The following DGKG variants were observed in gnomAD, a reference collection of about 807,000 sequenced individuals.
The protein encoded by DGKG is diacylglycerol kinase gamma.
A neutral mutation model predicts 105.3 loss-of-function variants in DGKG; 78 were observed. The ratio of observed to expected loss-of-function variants is 0.74; its 90% CI spans 0.62 to 0.89. The LOEUF (loss-of-function observed/expected upper bound fraction) is 0.89, where lower values mean the gene tolerates loss of function less well. Ranked by LOEUF, DGKG falls within the 40% of genes least tolerant of loss-of-function variation. DGKG has a pLI of 0.00. For synonymous variants in DGKG, 346 were observed against 367.1 expected (o/e 0.94, Z 0.66); for missense variants, 958 against 1,020.1 (o/e 0.94, Z 0.83).
chr3:186,323,566 G>A lies in DGKG; in HGVS notation c.-248-2859C>T, dbSNP rs1025875326. 1.4e-4 allele frequency among the ~76,000 whole-genome samples: 22 copies of A among 152,264 alleles called. No homozygotes were observed. The South Asian group carries it at 1.7e-3, about 11-fold the overall frequency. On this transcript the variant is annotated intron_variant, in intron 1 of 24. Transcript: ENST00000265022. Reference sequence around the variant, plus strand: ...CCCATCACTTTAGGAGGCTAAGATGGGCGGATCATGAGGTCAGGAGATCGA... The same window carrying A: ...CCCATCACTTTAGGAGGCTAAGATGAGCGGATCATGAGGTCAGGAGATCGA...
chr3:186,310,291 C>CAAAAAAAAAAAAA lies in DGKG; in HGVS notation c.68-3315_68-3314insTTTTTTTTTTTTT, dbSNP rs1724476497. Among the ~76,000 whole-genome samples the CAAAAAAAAAAAAA allele has an allele frequency of 3.2e-4, 18 of 56,804 alleles. 1 individual carries two copies. Among genetic ancestry groups the CAAAAAAAAAAAAA allele is most frequent in the East Asian group, 9.0e-4 (2 of 2,234 alleles). 37.3% of individuals were successfully genotyped at this position (56,804 alleles called of 152,430 possible). ...AAAAAAAAAAAAAAAAAAAAAAAAC[C>CAAAAAAAAAAAAA]ACACACACACAACAAGAATCCAGGA... On this transcript the variant is annotated intron_variant, in intron 2 of 24. Coordinates refer to ENST00000265022, the MANE Select transcript of DGKG (RefSeq NM_001346.3).
At chr3:186,185,462 T>C (rs1418022746) in intron 22 of DGKG, among the ~76,000 whole-genome samples, 1 of 152,126 alleles carries the variant, frequency 6.6e-6, no homozygotes, top group African/African-American at 2.4e-5. Context: ...AGGTCAGACA[T>C]GTAAGAGGAA....
chr3:186,299,824 T>TCTTC (rs1560141950), intron 3 of DGKG, among the ~76,000 whole-genome samples: 9 of 109,632 alleles, frequency 8.2e-5, no homozygotes, highest in African/African-American at 3.0e-4. Context: ...TTTCTTTCTT[T>TCTTC]CTTTCTTTCT....
chr3:186,152,997 G>A (rs1462227010), intron 24 of DGKG, among the ~76,000 whole-genome samples: 2 of 132,280 alleles, frequency 1.5e-5, no homozygotes, highest in East Asian at 2.3e-4. Context: ...GATGACACAA[G>A]ACCCTTGCTT....
chr3:186,282,272 C>T (rs1331488404), intron 7 of DGKG, among the ~76,000 whole-genome samples: 1 of 152,104 alleles, frequency 6.6e-6, no homozygotes, highest in African/African-American at 2.4e-5. Context: ...AAGAGGAGTG[C>T]CTGTGTTCGA....
At chr3:186,356,869 T>C (rs1429353534) in intron 1 of DGKG, among the ~76,000 whole-genome samples, 1 of 152,130 alleles carries the variant, frequency 6.6e-6, no homozygotes, top group Non-Finnish European at 1.5e-5. Context: ...GGTCTGCTCT[T>C]GTAGGTTTTT....
intron 20 of DGKG, among the ~76,000 whole-genome samples, chr3:186,224,151 T>C (rs369951659): frequency 6.6e-6 from 1 of 152,252 alleles, no homozygotes; most frequent in Non-Finnish European, 1.5e-5. Context: ...AAAGCTCTTC[T>C]GTTTGGTCCT....
At chr3:186,164,181 C>T (rs1028093480) in intron 23 of DGKG, among the ~76,000 whole-genome samples, 2 of 152,068 alleles carry the variant, frequency 1.3e-5, no homozygotes, top group Non-Finnish European at 2.9e-5. Context: ...CTCGGAGATC[C>T]CCAAGGCATG....
chr3:186,177,023 T>C (rs969207327), intron 22 of DGKG, among the ~76,000 whole-genome samples: 3 of 152,232 alleles, frequency 2.0e-5, no homozygotes, highest in African/African-American at 7.2e-5. Context: ...GGCAGTGTCC[T>C]CTGTCCATCC....
intron 1 of DGKG, among the ~76,000 whole-genome samples, chr3:186,359,166 G>A (rs1452638093): frequency 1.3e-5 from 2 of 152,090 alleles, no homozygotes; most frequent in Non-Finnish European, 2.9e-5. Flanking sequence ...CTATGGCCGA[G>A]TTGTTTCTGG....
intron 19 of DGKG, among the ~76,000 whole-genome samples, chr3:186,249,899 T>C (rs1444044802): frequency 6.6e-6 from 1 of 152,138 alleles, no homozygotes; most frequent in Admixed American, 6.5e-5. Context: ...AAGCCACCTA[T>C]CATTTCTCCT....
At chr3:186,332,096 TA>T (rs1214792820) in intron 1 of DGKG, among the ~76,000 whole-genome samples, 2 of 152,232 alleles carry the variant, frequency 1.3e-5, no homozygotes, top group East Asian at 3.9e-4. Context: ...ATGCCATTAA[TA>T]AGCCACCTGT....
chr3:186,260,790 A>G (rs887264185), intron 15 of DGKG, among the ~76,000 whole-genome samples: 1 of 152,262 alleles, frequency 6.6e-6, no homozygotes, highest in African/African-American at 2.4e-5. Context: ...GACAGGGCAG[A>G]GAAACCCAGA....
intron 1 of DGKG, among the ~76,000 whole-genome samples, chr3:186,334,606 A>G (rs1725744319): frequency 6.6e-6 from 1 of 152,226 alleles, no homozygotes; most frequent in African/African-American, 2.4e-5. Context: ...TAAATACTTC[A>G]TTAATATTCA....
intron 22 of DGKG, among the ~76,000 whole-genome samples, chr3:186,180,247 G>A (rs1234697505): frequency 2.6e-5 from 4 of 152,180 alleles, no homozygotes; most frequent in South Asian, 2.1e-4. Flanking sequence ...GGGGAAGGAT[G>A]TGTAAAGATG....
intron 1 of DGKG, among the ~76,000 whole-genome samples, chr3:186,348,153 G>A (rs1726435568): frequency 6.6e-6 from 1 of 151,986 alleles, no homozygotes; most frequent in Non-Finnish European, 1.5e-5. Flanking sequence ...TATCTTCTTT[G>A]TTGAGAGTAA....
intron 3 of DGKG, 66 bp from the exon 4 acceptor site, chr3:186,298,295 A>T: frequency 6.8e-7 from 1 of 1,464,134 alleles, no homozygotes; most frequent in Non-Finnish European, 9.2e-7. Flanking sequence ...AGAGAGAAGG[A>T]AAAGGAATAG....
At chr3:186,275,316 A>G (rs1324154142) in intron 10 of DGKG, among the ~76,000 whole-genome samples, 1 of 152,258 alleles carries the variant, frequency 6.6e-6, no homozygotes, top group Admixed American at 6.5e-5. Context: ...CTAGGGGGTC[A>G]GTGGCTCATA....
At chr3:186,155,971 T>C (rs546472467) in intron 24 of DGKG, among the ~76,000 whole-genome samples, 2 of 152,342 alleles carry the variant, frequency 1.3e-5, no homozygotes, top group Admixed American at 1.3e-4. Flanking sequence ...TTCTATGAAT[T>C]CTCTGTTCAC....
Sources: gnomAD v4.1 joint callset for allele counts (sites outside exome capture counted in the v4.1 genomes callset) on GRCh38, gnomAD v4.1.1 for gene constraint, MANE v1.5 for transcripts, NCBI Gene and HGNC (gene_info 2026-07-23, HGNC 2026-07-21) for gene names.